The following STXBP4 variants were observed in gnomAD, a reference collection of about 807,000 sequenced individuals.
STXBP4 encodes syntaxin-binding protein 4.
A neutral mutation model predicts 76.1 loss-of-function variants in STXBP4; 55 were observed. The ratio of observed to expected loss-of-function variants is 0.72; its 90% CI spans 0.58 to 0.91. The LOEUF (loss-of-function observed/expected upper bound fraction) is 0.91, where lower values mean the gene tolerates loss of function less well. Among genes scored for constraint, STXBP4 ranks in the 40% least tolerant of loss-of-function variants. The pLI, the probability that STXBP4 is intolerant of heterozygous loss-of-function variation, is 0.00. For synonymous variants in STXBP4, 201 were observed against 220.2 expected (o/e 0.91, Z 0.77); for missense variants, 618 against 636.9 (o/e 0.97, Z 0.32).
At chr17:54,998,735 G>A (rs544538914) in intron 4 of STXBP4, among the ~76,000 whole-genome samples, 7 of 152,210 alleles carry the variant, frequency 4.6e-5, no homozygotes, top group East Asian at 1.9e-4. Context: ...CCTGTAATCC[G>A]AGCACTTTGG....
rs147872549 is a variant in STXBP4, at chr17:55,072,436, A to G, written c.1012-464A>G. 1.4e-3 allele frequency among the ~76,000 whole-genome samples: 208 copies of G among 152,314 alleles called. 1 individual carries two copies. Among genetic ancestry groups the G allele is most frequent in the African/African-American group, 4.7e-3 (197 of 41,576 alleles). ...AGAAGTAGTAGATAGATTGACGTCC[A>G]TGAGATAACTTTAGCCCCTGGAGCT... On this transcript the variant is annotated intron_variant, in intron 12 of 17. Transcript: ENST00000376352.
At chr17:55,157,626 C>T (rs1487253462) in intron 17 of STXBP4, among the ~76,000 whole-genome samples, 11 of 152,152 alleles carry the variant, frequency 7.2e-5, no homozygotes, top group Non-Finnish European at 1.5e-4. Context: ...TCTTAAAGAA[C>T]TTGAACCCTT....
At chr17:55,194,015 G>C in the STXBP4 span, among the ~76,000 whole-genome samples, 2 of 152,140 alleles carry the variant, frequency 1.3e-5, no homozygotes, top group Admixed American at 6.6e-5. Context: ...CTGCAATTGG[G>C]AAGTGATGCC....
rs956885310 is a variant in STXBP4, at chr17:55,173,341, C to T, written c.*13430C>T. On this transcript the variant is annotated 3_prime_UTR_variant, in exon 18 of 18. Coordinates refer to ENST00000376352, the MANE Select transcript of STXBP4 (RefSeq NM_178509.6). ...GCTTTTATAACACACCCTTCCCCAC[C>T]CCAACTCCTGGCAATTACTGCTCTA... 1 of 152,164 alleles carries T rather than the reference C, an allele frequency of 6.6e-6. No homozygotes were observed. Among genetic ancestry groups the T allele is most frequent in the Admixed American group, 6.5e-5 (1 of 15,290 alleles). 9.4% of individuals were successfully genotyped at this position (152,164 alleles called of 1,614,324 possible).
chr17:55,049,906 A>T (rs2078837356), intron 12 of STXBP4, among the ~76,000 whole-genome samples: 1 of 152,096 alleles, frequency 6.6e-6, no homozygotes, highest in Admixed American at 6.5e-5. Context: ...AGATGGTTTC[A>T]CAGAGAAATT....
intron 17 of STXBP4, among the ~76,000 whole-genome samples, chr17:55,146,642 G>A (rs202130047): frequency 2.2e-4 from 34 of 152,176 alleles, no homozygotes; most frequent in African/African-American, 3.9e-4. Context: ...TTGTGTACCC[G>A]GGAGGCGGAG....
chr17:54,990,714 G>A (rs1480512807), intron 3 of STXBP4, 111 bp from the exon 4 acceptor site: 1 of 1,311,838 alleles, frequency 7.6e-7, no homozygotes. Flanking sequence ...ACCAAAAAAG[G>A]TGAGGGGTTG....
intron 9 of STXBP4, 128 bp downstream of exon 9, chr17:55,031,392 G>A (rs529245861): frequency 4.2e-5 from 32 of 767,762 alleles, no homozygotes; most frequent in Admixed American, 1.4e-4. Flanking sequence ...TCCATTTCAA[G>A]GTCCTTAATC....
chr17:55,156,370 C>T (rs776761645), intron 17 of STXBP4, among the ~76,000 whole-genome samples: 2 of 152,004 alleles, frequency 1.3e-5, no homozygotes, highest in Non-Finnish European at 2.9e-5. Context: ...CTCATCATAC[C>T]GATTATGTCA....
downstream of STXBP4, among the ~76,000 whole-genome samples, chr17:55,176,718 C>T (rs1366483746): frequency 6.6e-6 from 1 of 152,114 alleles, no homozygotes; most frequent in East Asian, 1.9e-4. Flanking sequence ...AAAAGATTAG[C>T]ATTTGAATCA....
At position 54,999,619 on chromosome 17, in the gene STXBP4, T is replaced by G. The variant is rs544648713; in HGVS notation, c.288-13T>G. 14 of 1,607,280 alleles carry G rather than the reference T, an allele frequency of 8.7e-6. No individual in the cohort carries two copies. The South Asian group carries it at 1.4e-4, about 17-fold the overall frequency. On this transcript the variant is annotated splice_polypyrimidine_tract_variant and intron_variant, in intron 5 of 17. Transcript: ENST00000376352. ...CATAGCATATCCATAAAGTGATTTC[T>G]TTTTAGTACTAGGTTAGAATCTGCT...
intron 16 of STXBP4, among the ~76,000 whole-genome samples, chr17:55,132,516 C>T (rs574245564): frequency 6.6e-6 from 1 of 152,252 alleles, no homozygotes; most frequent in East Asian, 1.9e-4. Flanking sequence ...ACCCTTTCAA[C>T]ATCTTTTTCT....
chr17:55,154,698 A>G (rs1280348638), intron 17 of STXBP4, among the ~76,000 whole-genome samples: 1 of 152,116 alleles, frequency 6.6e-6, no homozygotes, highest in Non-Finnish European at 1.5e-5. Flanking sequence ...TGTGGATATT[A>G]TTTGAAAAAA....
chr17:55,060,637 C>G (rs80221458), intron 12 of STXBP4, among the ~76,000 whole-genome samples: 2,160 of 152,268 alleles, frequency 0.014, 41 homozygotes, highest in African/African-American at 0.04. Context: ...AATACCTACT[C>G]ACTGTTTTGA....
chr17:55,109,172 A>G (rs921764788), intron 16 of STXBP4, among the ~76,000 whole-genome samples: 2 of 152,160 alleles, frequency 1.3e-5, no homozygotes, highest in African/African-American at 4.8e-5. Context: ...CTTAATTACC[A>G]TGTGTATTGC....
chr17:55,132,676 T>C (rs2079985801), intron 16 of STXBP4, among the ~76,000 whole-genome samples: 1 of 152,130 alleles, frequency 6.6e-6, no homozygotes, highest in Non-Finnish European at 1.5e-5. Context: ...GAATGAACAG[T>C]ACCTCCTCTC....
chr17:55,032,222 T>G (rs745602252), intron 9 of STXBP4, among the ~76,000 whole-genome samples: 1 of 152,170 alleles, frequency 6.6e-6, no homozygotes, highest in Non-Finnish European at 1.5e-5. Flanking sequence ...AACATTGTAT[T>G]ATTTATAAAG....
At chr17:54,971,156 T>C (rs1290039378) in intron 1 of STXBP4, among the ~76,000 whole-genome samples, 4 of 152,236 alleles carry the variant, frequency 2.6e-5, no homozygotes, top group Non-Finnish European at 5.9e-5. Flanking sequence ...CTTCAGTCTT[T>C]ATCTGCATAC....
intron 8 of STXBP4, among the ~76,000 whole-genome samples, chr17:55,023,761 G>C (rs1302829859): frequency 2.0e-5 from 3 of 152,052 alleles, no homozygotes; most frequent in Non-Finnish European, 1.5e-5. Flanking sequence ...GAGCACTTGT[G>C]TGAGTACTGA....
Sources: gnomAD v4.1 joint callset for allele counts (sites outside exome capture counted in the v4.1 genomes callset) on GRCh38, gnomAD v4.1.1 for gene constraint, MANE v1.5 for transcripts, NCBI Gene and HGNC (gene_info 2026-07-23, HGNC 2026-07-21) for gene names.